Variants in HS6ST3 observed in about 807,000 individuals in gnomAD.
The protein encoded by HS6ST3 is heparan-sulfate 6-O-sulfotransferase 3.
A neutral mutation model predicts 36.7 loss-of-function variants in HS6ST3; 12 were observed. The ratio of observed to expected loss-of-function variants is 0.33; its 90% CI spans 0.21 to 0.53. The LOEUF is 0.53. Among genes scored for constraint, HS6ST3 ranks in the 20% least tolerant of loss-of-function variants. The probability of loss-of-function intolerance (pLI) is 0.95; values close to 1 mark genes in which losing one functional copy is unlikely to be tolerated. For missense variants in HS6ST3, 584 were observed against 640.9 expected, an observed-to-expected ratio of 0.91 and a Z score of 0.96; for synonymous variants, 240 against 257.5, an observed-to-expected ratio of 0.93 and a Z score of 0.65.
intron 1 of HS6ST3, among the ~76,000 whole-genome samples, chr13:96,317,378 A>ATATATCAAAT (rs2054980417): frequency 9.9e-6 from 1 of 101,326 alleles, no homozygotes; most frequent in Non-Finnish European, 2.1e-5. Context: ...AAAATTATAT[A>ATATATCAAAT]TATATATATA....
chr13:96,652,503 A>C (rs1323401314), intron 1 of HS6ST3, among the ~76,000 whole-genome samples: 1 of 151,808 alleles, frequency 6.6e-6, no homozygotes, highest in Non-Finnish European at 1.5e-5. Context: ...TTAACAAATG[A>C]CTGTGCTTTA....
At chr13:96,293,869 A>G (rs1458276778) in intron 1 of HS6ST3, among the ~76,000 whole-genome samples, 2 of 152,062 alleles carry the variant, frequency 1.3e-5, no homozygotes, top group Non-Finnish European at 2.9e-5. Context: ...AATCCCCCAG[A>G]TTGAGGATTA....
chr13:96,473,855 T>C (rs2055850948), intron 1 of HS6ST3, among the ~76,000 whole-genome samples: 1 of 152,146 alleles, frequency 6.6e-6, no homozygotes, highest in Non-Finnish European at 1.5e-5. Context: ...GAGGACAGTG[T>C]TGCTCAGGAA....
chr13:96,521,444 C>T (rs912200586), intron 1 of HS6ST3, among the ~76,000 whole-genome samples: 3 of 152,158 alleles, frequency 2.0e-5, no homozygotes, highest in South Asian at 4.1e-4. Context: ...CCTCTTTGTA[C>T]GTCTTGTAGA....
intron 1 of HS6ST3, among the ~76,000 whole-genome samples, chr13:96,269,449 A>G (rs1160305013): frequency 6.6e-6 from 1 of 152,018 alleles, no homozygotes; most frequent in Non-Finnish European, 1.5e-5. Flanking sequence ...TGTGCGTACT[A>G]CAACTAAGCA....
intron 1 of HS6ST3, among the ~76,000 whole-genome samples, chr13:96,824,504 G>A (rs917455507): frequency 2.9e-4 from 44 of 152,178 alleles, no homozygotes; most frequent in Admixed American, 1.8e-3. Context: ...CTGTGTCAAA[G>A]GGCAGTCTGA....
At chr13:96,778,712 A>G (rs571370016) in intron 1 of HS6ST3, among the ~76,000 whole-genome samples, 2 of 152,334 alleles carry the variant, frequency 1.3e-5, no homozygotes, top group African/African-American at 2.4e-5. Flanking sequence ...ACCCTTTTAC[A>G]CTGTTGGTGG....
chr13:96,838,164 A>T lies in HS6ST3; in HGVS notation c.*4966A>T, dbSNP rs1334508331. On this transcript the variant is annotated 3_prime_UTR_variant, in exon 2 of 2. Transcript: ENST00000376705. ...CTCCTAAAGGAGGCAGATCTTTCCA[A>T]GGTGGAAAGGTAATGAATTAAATAT... The T allele has an allele frequency of 6.6e-6, 1 of 152,228 alleles. No homozygotes were observed. The highest frequency in any genetic ancestry group is 1.5e-5 in the Non-Finnish European group (1 of 68,034). The allele number at this position is 152,228 out of a possible 1,614,324, so 9.4% of individuals were successfully genotyped here.
At chr13:96,293,348 G>C (rs551423846) in intron 1 of HS6ST3, among the ~76,000 whole-genome samples, 1 of 152,144 alleles carries the variant, frequency 6.6e-6, no homozygotes, top group South Asian at 2.1e-4. Flanking sequence ...CACTTAGTTT[G>C]ATATATCCAA....
chr13:96,757,818 C>T (rs749291282), intron 1 of HS6ST3, among the ~76,000 whole-genome samples: 5 of 151,896 alleles, frequency 3.3e-5, no homozygotes, highest in Non-Finnish European at 7.4e-5. Flanking sequence ...CTGGACAAAC[C>T]ACATTTCTTC....
intron 1 of HS6ST3, among the ~76,000 whole-genome samples, chr13:96,383,719 T>TG (rs111856026): frequency 0.34 from 51,228 of 151,568 alleles, 9,370 homozygotes; most frequent in Non-Finnish European, 0.42. Flanking sequence ...CCCCTCAAAG[T>TG]GGGGGGGACA....
chr13:96,567,957 T>A (rs2056287560), intron 1 of HS6ST3, among the ~76,000 whole-genome samples: 1 of 152,192 alleles, frequency 6.6e-6, no homozygotes, highest in African/African-American at 2.4e-5. Flanking sequence ...TTGGTGAAAG[T>A]TAGAATTTCT....
intron 1 of HS6ST3, among the ~76,000 whole-genome samples, chr13:96,801,700 C>T (rs1429689526): frequency 2.6e-5 from 4 of 152,024 alleles, no homozygotes; most frequent in Admixed American, 2.6e-4. Context: ...AGTCAGGATC[C>T]ATCTCCACGC....
At chr13:96,664,980 C>T (rs912948968) in intron 1 of HS6ST3, among the ~76,000 whole-genome samples, 7 of 151,886 alleles carry the variant, frequency 4.6e-5, no homozygotes, top group Admixed American at 1.3e-4. Flanking sequence ...AAGACCAGCC[C>T]GGGCAACATG....
At chr13:96,474,942 G>A (rs965998440) in intron 1 of HS6ST3, among the ~76,000 whole-genome samples, 3 of 152,112 alleles carry the variant, frequency 2.0e-5, no homozygotes, top group Non-Finnish European at 4.4e-5. Flanking sequence ...CTCAAAACCT[G>A]TTTTTTCTAT....
At chr13:96,720,910 A>G (rs1875832015) in intron 1 of HS6ST3, among the ~76,000 whole-genome samples, 1 of 152,188 alleles carries the variant, frequency 6.6e-6, no homozygotes, top group African/African-American at 2.4e-5. Flanking sequence ...ACATTAGCAT[A>G]TCATCCTGTT....
intron 1 of HS6ST3, among the ~76,000 whole-genome samples, chr13:96,297,980 T>C (rs1332805298): frequency 6.6e-6 from 1 of 152,160 alleles, no homozygotes; most frequent in African/African-American, 2.4e-5. Flanking sequence ...AACACTTTAT[T>C]AAAAACTATT....
chr13:96,422,094 A>G (rs924833698), intron 1 of HS6ST3, among the ~76,000 whole-genome samples: 2 of 152,158 alleles, frequency 1.3e-5, no homozygotes, highest in African/African-American at 4.8e-5. Flanking sequence ...TCTTTTTGTA[A>G]TTAAAACAAA....
intron 1 of HS6ST3, among the ~76,000 whole-genome samples, chr13:96,473,141 G>T (rs913427): frequency 6.6e-6 from 1 of 152,080 alleles, no homozygotes; most frequent in South Asian, 2.1e-4. Flanking sequence ...TGAACATGGC[G>T]GTTTTAATTA....
Sources: allele counts gnomAD v4.1 joint callset (sites outside exome capture counted in the v4.1 genomes callset), GRCh38; gene constraint gnomAD v4.1.1; transcripts MANE v1.5; gene names NCBI Gene and HGNC (gene_info 2026-07-23, HGNC 2026-07-21).